PCDHGA11: variants seen among roughly 807,000 people sequenced by gnomAD.
PCDHGA11 encodes the protein protocadherin gamma-A11.
Under a neutral mutation model 60.4 loss-of-function variants are expected in PCDHGA11, and 39 were observed. The ratio of observed to expected loss-of-function variants is 0.65; its 90% confidence interval spans 0.50 to 0.84. PCDHGA11 has a LOEUF of 0.84. PCDHGA11 is among the 40% of genes least tolerant of loss of function. The pLI is 0.00. For synonymous variants in PCDHGA11, 533 were observed against 510.3 expected (o/e 1.04, Z -0.60); for missense variants, 1,165 against 1,197.7 (o/e 0.97, Z 0.40).
intron 1 of PCDHGA11, among the ~76,000 whole-genome samples, chr5:141,460,117 T>G (rs1454761302): frequency 6.6e-6 from 1 of 151,982 alleles, no homozygotes; most frequent in Non-Finnish European, 1.5e-5. Context: ...ATGATTTTTA[T>G]ATATGTAATA....
intron 1 of PCDHGA11, among the ~76,000 whole-genome samples, chr5:141,465,879 T>C (rs979784878): frequency 6.6e-6 from 1 of 152,062 alleles, no homozygotes; most frequent in African/African-American, 2.4e-5. Context: ...TCCCAGCACT[T>C]TGGGAGGCCG....
chr5:141,510,222 G>A (rs891688596), intron 3 of PCDHGA11, among the ~76,000 whole-genome samples: 3 of 151,498 alleles, frequency 2.0e-5, no homozygotes, highest in Admixed American at 6.6e-5. Context: ...GCAGTGAGCC[G>A]GGATCGCGCC....
intron 1 of PCDHGA11, among the ~76,000 whole-genome samples, chr5:141,445,554 C>T (rs898901856): frequency 3.3e-5 from 5 of 152,102 alleles, no homozygotes; most frequent in African/African-American, 1.2e-4. Context: ...TACAAAAGCA[C>T]TAAGAGAAAG....
intron 2 of PCDHGA11, among the ~76,000 whole-genome samples, chr5:141,499,983 C>T (rs765029745): frequency 5.3e-5 from 8 of 151,352 alleles, no homozygotes; most frequent in African/African-American, 9.7e-5. Context: ...CCACCTTGCC[C>T]GGCCAGATGA....
chr5:141,497,858 C>T (rs920483410), intron 2 of PCDHGA11, among the ~76,000 whole-genome samples: 3 of 152,218 alleles, frequency 2.0e-5, no homozygotes, highest in Non-Finnish European at 2.9e-5. Flanking sequence ...TTTGATTCAG[C>T]GGCTCCAAAG....
At chr5:141,501,510 T>A (rs11744379) in intron 2 of PCDHGA11, among the ~76,000 whole-genome samples, 1 of 151,824 alleles carries the variant, frequency 6.6e-6, no homozygotes, top group African/African-American at 2.4e-5. Flanking sequence ...CTCCAAGGCC[T>A]CCAAGCTGAA....
chr5:141,428,443 G>T (rs1004000862), intron 1 of PCDHGA11: 5 of 383,870 alleles, frequency 1.3e-5, no homozygotes, highest in Non-Finnish European at 2.0e-5. Context: ...TAGACCAGGG[G>T]TTTTTCCCAA....
intron 2 of PCDHGA11, among the ~76,000 whole-genome samples, chr5:141,498,352 CA>C: frequency 6.6e-6 from 1 of 151,890 alleles, no homozygotes; most frequent in African/African-American, 2.4e-5. Flanking sequence ...AAAGCCTATG[CA>C]AAAGCCTTGT....
intron 2 of PCDHGA11, among the ~76,000 whole-genome samples, chr5:141,505,007 C>T (rs1210694913): frequency 6.6e-6 from 1 of 152,050 alleles, no homozygotes; most frequent in Non-Finnish European, 1.5e-5. Flanking sequence ...ACTAAAAATA[C>T]AAAAATTAGC....
chr5:141,480,453 A>G (rs1033797238), intron 1 of PCDHGA11, among the ~76,000 whole-genome samples: 1 of 152,182 alleles, frequency 6.6e-6, no homozygotes, highest in African/African-American at 2.4e-5. Context: ...AATTATTTTT[A>G]TTAGTTCCTC....
intron 1 of PCDHGA11, among the ~76,000 whole-genome samples, chr5:141,480,151 C>T (rs543997143): frequency 1.3e-5 from 2 of 152,162 alleles, no homozygotes; most frequent in African/African-American, 4.8e-5. Context: ...TTAGCCAGCT[C>T]CTAGCATTTT....
At chr5:141,455,911 ATTTT>A (rs1404284843) in intron 1 of PCDHGA11, among the ~76,000 whole-genome samples, 2 of 114,614 alleles carry the variant, frequency 1.7e-5, no homozygotes, top group African/African-American at 3.3e-5. Context: ...TTATTTATTT[ATTTT>A]GAGACGGAGT....
At position 141,491,679 on chromosome 5, in the gene PCDHGA11, T is replaced by C. The variant is rs111288145; in HGVS notation, c.2434-3128T>C. On this transcript the variant is annotated intron_variant, in intron 1 of 3. Coordinates refer to ENST00000398587, the MANE Select transcript of PCDHGA11 (RefSeq NM_018914.3). This position sits in a 1 kb window ranked among gnomAD's most constrained non-coding sequence, Gnocchi z 6.9. ...CTGACGCCATCCGGTCCCGCTCTAA[T>C]ACGCTGCGGGAGCGGAGCCAGGTGA... is the stretch of plus-strand genomic sequence containing the variant. 21 of 1,613,378 alleles carry C rather than the reference T, an allele frequency of 1.3e-5. No homozygotes were observed. Among genetic ancestry groups the C allele is most frequent in the Middle Eastern group, 1.6e-4 (1 of 6,078 alleles).
chr5:141,478,418 C>T, intron 1 of PCDHGA11: 1 of 1,613,650 alleles, frequency 6.2e-7, no homozygotes, highest in Non-Finnish European at 8.5e-7. Context: ...GGACTCCCGC[C>T]GCAGCGACCC....
intron 1 of PCDHGA11, among the ~76,000 whole-genome samples, chr5:141,454,924 C>T (rs1252057038): frequency 6.7e-6 from 1 of 149,858 alleles, no homozygotes; most frequent in Non-Finnish European, 1.5e-5. Context: ...TCTCCTGCCT[C>T]AGCCTCCCGA....
At position 141,476,581 on chromosome 5, in the gene PCDHGA11, G is replaced by A. The variant is rs1393235114; in HGVS notation, c.2434-18226G>A. The A allele has an allele frequency of 5.0e-6, 8 of 1,614,230 alleles. No individual in the cohort carries two copies. The highest frequency in any genetic ancestry group is 6.8e-6 in the Non-Finnish European group (8 of 1,180,042). ...CCGTGGCTCCGGGGACGCGCTTTCC[G>A]CTCGAGAGCGCGCACGATCCCGATG... On this transcript the variant is annotated intron_variant, in intron 1 of 3. Transcript: ENST00000398587. This position sits in a 1 kb window ranked among gnomAD's most constrained non-coding sequence, Gnocchi z 7.6.
chr5:141,467,908 C>G (rs2099154038), intron 1 of PCDHGA11, among the ~76,000 whole-genome samples: 1 of 152,172 alleles, frequency 6.6e-6, no homozygotes, highest in Non-Finnish European at 1.5e-5. Flanking sequence ...ATCCGCCCAC[C>G]TCAGCCTCCC....
chr5:141,506,435 G>T (rs1470687416), intron 3 of PCDHGA11, among the ~76,000 whole-genome samples: 1 of 126,234 alleles, frequency 7.9e-6, no homozygotes, highest in Non-Finnish European at 1.6e-5. Context: ...CAACAGTCTC[G>T]CTCTGTCTCA....
intron 1 of PCDHGA11, among the ~76,000 whole-genome samples, chr5:141,453,710 A>C (rs988115758): frequency 3.9e-5 from 6 of 152,242 alleles, no homozygotes; most frequent in African/African-American, 1.4e-4. Context: ...GAACAGTTTC[A>C]CTATAAAAAT....
Sources: allele counts gnomAD v4.1 joint callset (sites outside exome capture counted in the v4.1 genomes callset), GRCh38; gene constraint gnomAD v4.1.1; non-coding constraint Gnocchi (gnomAD v3.1); transcripts MANE v1.5; gene names NCBI Gene and HGNC (gene_info 2026-07-23, HGNC 2026-07-21).